Variants in NDST3 observed in about 807,000 individuals in gnomAD.
NDST3 encodes the protein N-deacetylase and N-sulfotransferase 3, also known as bifunctional heparan sulfate N-deacetylase/N-sulfotransferase 3.
NDST3 carries 58 observed loss-of-function variants against 96.1 expected under a neutral mutation model. That is an observed-to-expected ratio of 0.60 (90% confidence interval 0.49 to 0.75). NDST3 has a LOEUF of 0.75. Ranked by LOEUF, NDST3 falls within the 30% of genes least tolerant of loss-of-function variation. NDST3 has a pLI of 0.00. For missense variants in NDST3, 788 were observed against 1,034.2 expected, an observed-to-expected ratio of 0.76 and a Z score of 3.27; for synonymous variants, 333 against 359.7, an observed-to-expected ratio of 0.93 and a Z score of 0.84.
chr4:118,234,386 C>T (rs1051535002), intron 9 of NDST3, among the ~76,000 whole-genome samples: 7 of 151,966 alleles, frequency 4.6e-5, no homozygotes, highest in Non-Finnish European at 8.8e-5. Context: ...TGCACTCCAG[C>T]CTGAGTGACA....
chr4:118,239,410 G>A (rs1359207853), intron 10 of NDST3, among the ~76,000 whole-genome samples: 1 of 152,090 alleles, frequency 6.6e-6, no homozygotes, highest in Non-Finnish European at 1.5e-5. Flanking sequence ...GGAAAGCTAA[G>A]ATCCATAAAA....
intron 11 of NDST3, among the ~76,000 whole-genome samples, chr4:118,241,439 G>A (rs1741000141): frequency 6.6e-6 from 1 of 152,128 alleles, no homozygotes; most frequent in African/African-American, 2.4e-5. Flanking sequence ...TGCTTTGCAG[G>A]CTTTGTGGCC....
At chr4:118,075,793 A>G (rs1408656860) in intron 2 of NDST3, among the ~76,000 whole-genome samples, 2 of 152,028 alleles carry the variant, frequency 1.3e-5, no homozygotes, top group African/African-American at 4.8e-5. Flanking sequence ...TAGATTCTGG[A>G]TATTAGCCCT....
chr4:118,148,600 C>G (rs1369466730), intron 6 of NDST3, among the ~76,000 whole-genome samples: 1 of 151,940 alleles, frequency 6.6e-6, no homozygotes, highest in Non-Finnish European at 1.5e-5. Flanking sequence ...CTAGGATTAA[C>G]ACATAGATTG....
At chr4:118,067,045 AACTT>A (rs1726648819) in intron 2 of NDST3, among the ~76,000 whole-genome samples, 1 of 149,258 alleles carries the variant, frequency 6.7e-6, no homozygotes, top group Non-Finnish European at 1.5e-5. Flanking sequence ...AGAGAAAGAC[AACTT>A]ACTTGATATT....
chr4:118,053,793 T>G lies in NDST3; in HGVS notation c.-118T>G. On this transcript the variant is annotated 5_prime_UTR_variant, in exon 2 of 14. An upstream start codon of the reference 5' UTR is lost. Transcript: ENST00000296499. ...GTGAGTCCTGATCAAGTGATACAAATGAGCTGCAATGGTGACATAAACTCT... is the reference window on the plus strand; with the variant it reads ...GTGAGTCCTGATCAAGTGATACAAAGGAGCTGCAATGGTGACATAAACTCT... 5.3e-5 allele frequency: 57 copies of G among 1,065,658 alleles called. No homozygotes were observed. Among genetic ancestry groups the G allele is most frequent in the Non-Finnish European group, 7.0e-5 (52 of 745,066 alleles). The allele number at this position is 1,065,658 out of a possible 1,614,324, so 66.0% of individuals were successfully genotyped here. A position where few individuals can be genotyped will look rare whatever the true frequency, so the allele number is the denominator to read the frequency against.
intron 6 of NDST3, among the ~76,000 whole-genome samples, chr4:118,170,654 G>A (rs553938199): frequency 1.3e-4 from 20 of 152,206 alleles, no homozygotes; most frequent in African/African-American, 3.6e-4. Context: ...GCTTGAATCC[G>A]GGTGGTGGAG....
rs553357938 is a variant in NDST3 at position 118,140,402 on chromosome 4, G to A, written c.1410+2163G>A. Among the ~76,000 whole-genome samples the A allele has an allele frequency of 9.3e-4, 141 of 152,150 alleles. 2 individuals are homozygous for A. The highest frequency in any genetic ancestry group is 1.8e-4 in the Non-Finnish European group (12 of 68,002). ...ATAAACACCAATTACACTTTAAGCT[G>A]TTTGAGCCCTAACCAAAGTCTCTGG... On this transcript the variant is annotated intron_variant, in intron 5 of 13. Coordinates refer to ENST00000296499, the MANE Select transcript of NDST3 (RefSeq NM_004784.3).
intron 12 of NDST3, among the ~76,000 whole-genome samples, chr4:118,242,526 T>C (rs35983699): frequency 0.052 from 7,853 of 152,300 alleles, 289 homozygotes; most frequent in Non-Finnish European, 0.083. Context: ...GTTTAGGAAC[T>C]GACTCTTCTC....
At chr4:118,137,570 C>T (rs1733214424) in intron 4 of NDST3, among the ~76,000 whole-genome samples, 1 of 152,140 alleles carries the variant, frequency 6.6e-6, no homozygotes, top group African/African-American at 2.4e-5. Flanking sequence ...GCTGAAAGGA[C>T]AACAGAAATG....
In NDST3 at chr4:118,105,077, G is replaced by A. The variant is rs930404820; in HGVS notation, c.1041G>A (p.Leu347=). ...RAQITNFTFN[L]GFSGKFYHTG... ...AAATCACAAATTTTACATTCAACCT[G>A]GGATTTTCAGGGAAATTTTACCATA... Residue 347 remains leucine (L), a synonymous_variant, in exon 3 of 14, where the codon CTG becomes CTA. Transcript: ENST00000296499. The A allele has an allele frequency of 4.3e-6, 7 of 1,612,802 alleles. No homozygotes were observed. The African/African-American group carries it at 5.3e-5, about 12-fold the overall frequency.
chr4:118,043,557 G>A (rs1195180947), intron 1 of NDST3, among the ~76,000 whole-genome samples: 1 of 152,198 alleles, frequency 6.6e-6, no homozygotes, highest in African/African-American at 2.4e-5. Flanking sequence ...CAATTGTGGC[G>A]AGGAGCTTAA....
At chr4:118,120,924 C>T (rs534186772) in intron 4 of NDST3, among the ~76,000 whole-genome samples, 5 of 152,328 alleles carry the variant, frequency 3.3e-5, no homozygotes, top group Admixed American at 6.5e-5. Context: ...CCAAAGATCA[C>T]ATTACATTTT....
intron 6 of NDST3, among the ~76,000 whole-genome samples, chr4:118,170,479 C>T (rs1476237116): frequency 6.6e-6 from 1 of 152,168 alleles, no homozygotes; most frequent in Non-Finnish European, 1.5e-5. Context: ...GAGGCAGACC[C>T]AGCACTTTGG....
At chr4:118,193,590 G>A in intron 6 of NDST3, 1 of 1,182,750 alleles carries the variant, frequency 8.5e-7, no homozygotes, top group Non-Finnish European at 1.3e-6. Flanking sequence ...CAGATCTGCT[G>A]CTGGCACACA....
At chr4:118,105,185 C>A in intron 3 of NDST3, 80 bp downstream of exon 3, 1 of 1,002,294 alleles carries the variant, frequency 1.0e-6, no homozygotes, top group Non-Finnish European at 1.6e-6. Flanking sequence ...CCTGCCCACA[C>A]TGTCCTACAT....
intron 4 of NDST3, 26 bp downstream of exon 4, chr4:118,114,986 A>AAGT (rs762497245): frequency 1.2e-5 from 19 of 1,610,848 alleles, no homozygotes; most frequent in Non-Finnish European, 1.4e-5. Context: ...TGTTGCATTG[A>AAGT]AGTAGTGTAC....
chr4:118,158,106 A>C (rs1734835731), intron 6 of NDST3, among the ~76,000 whole-genome samples: 1 of 152,208 alleles, frequency 6.6e-6, no homozygotes, highest in African/African-American at 2.4e-5. Context: ...AGAGAGAATT[A>C]GAGTATTTAA....
intron 6 of NDST3, among the ~76,000 whole-genome samples, chr4:118,146,822 G>A (rs1364412093): frequency 6.6e-6 from 1 of 152,122 alleles, no homozygotes; most frequent in East Asian, 1.9e-4. Context: ...TTTGGGGGAG[G>A]TGGACCTAGC....
Sources: gnomAD v4.1 joint callset for allele counts (sites outside exome capture counted in the v4.1 genomes callset) on GRCh38, gnomAD v4.1.1 for gene constraint, MANE v1.5 for transcripts, NCBI Gene and HGNC (gene_info 2026-07-23, HGNC 2026-07-21) for gene names.